Variants in HS6ST3 observed in about 807,000 individuals in gnomAD.
HS6ST3 encodes the protein heparan-sulfate 6-O-sulfotransferase 3.
Under a neutral mutation model 36.7 loss-of-function variants are expected in HS6ST3, and 12 were observed. The ratio of observed to expected loss-of-function variants is 0.33; its 90% CI spans 0.21 to 0.53. The LOEUF (loss-of-function observed/expected upper bound fraction) is 0.53. Among genes scored for constraint, HS6ST3 ranks in the 20% least tolerant of loss-of-function variants. The pLI, the probability that HS6ST3 is intolerant of heterozygous loss-of-function variation, is 0.95. For missense variants in HS6ST3, 584 were observed against 640.9 expected (o/e 0.91, Z 0.96); for synonymous variants, 240 against 257.5 (o/e 0.93, Z 0.65).
chr13:96,416,486 A>G (rs2055533546), intron 1 of HS6ST3, among the ~76,000 whole-genome samples: 1 of 152,146 alleles, frequency 6.6e-6, no homozygotes, highest in Non-Finnish European at 1.5e-5. Context: ...TTTTTCATTT[A>G]ATGGCATTTG....
At chr13:96,629,974 G>C (rs924095469) in intron 1 of HS6ST3, among the ~76,000 whole-genome samples, 12 of 151,396 alleles carry the variant, frequency 7.9e-5, no homozygotes, top group South Asian at 4.2e-4. Flanking sequence ...GATTACTTCA[G>C]GTTCATTAAT....
intron 1 of HS6ST3, among the ~76,000 whole-genome samples, chr13:96,512,452 G>C (rs1036686312): frequency 6.6e-6 from 1 of 152,098 alleles, no homozygotes; most frequent in South Asian, 2.1e-4. Context: ...CTTGATTGTG[G>C]CTGTACTGAA....
At chr13:96,383,337 C>T (rs893965849) in intron 1 of HS6ST3, among the ~76,000 whole-genome samples, 8 of 152,070 alleles carry the variant, frequency 5.3e-5, no homozygotes, top group African/African-American at 1.9e-4. Context: ...TCCTGTAATC[C>T]CAGCTACTTG....
intron 1 of HS6ST3, among the ~76,000 whole-genome samples, chr13:96,627,530 A>G (rs2056517304): frequency 6.6e-6 from 1 of 151,918 alleles, no homozygotes; most frequent in South Asian, 2.1e-4. Flanking sequence ...TTAAGGTAAT[A>G]TTACTCTCAT....
chr13:96,219,613 A>G (rs983348931), intron 1 of HS6ST3, among the ~76,000 whole-genome samples: 1 of 152,068 alleles, frequency 6.6e-6, no homozygotes, highest in African/African-American at 2.4e-5. Context: ...TTCTTTCAAC[A>G]TGGCATGTTG....
chr13:96,528,676 A>G (rs2056124132), intron 1 of HS6ST3, among the ~76,000 whole-genome samples: 1 of 152,188 alleles, frequency 6.6e-6, no homozygotes, highest in Non-Finnish European at 1.5e-5. Flanking sequence ...AAAGCTTCAG[A>G]TTCCACATTG....
At chr13:96,191,052 A>G (rs1274741506) in intron 1 of HS6ST3, among the ~76,000 whole-genome samples, 2 of 152,148 alleles carry the variant, frequency 1.3e-5, no homozygotes, top group African/African-American at 2.4e-5. Flanking sequence ...CCTGGTCATC[A>G]TTCTTGGTTC....
intron 1 of HS6ST3, among the ~76,000 whole-genome samples, chr13:96,138,671 A>G (rs1484366137): frequency 2.0e-5 from 3 of 152,026 alleles, no homozygotes; most frequent in Non-Finnish European, 4.4e-5. Flanking sequence ...GCCAATATGT[A>G]TTAGTTTGCA....
At chr13:96,759,828 T>C (rs936174159) in intron 1 of HS6ST3, among the ~76,000 whole-genome samples, 2 of 152,006 alleles carry the variant, frequency 1.3e-5, no homozygotes, top group Non-Finnish European at 2.9e-5. Context: ...CTACTGAGTG[T>C]TACCAACCAT....
At chr13:96,403,665 G>A (rs1289812351) in intron 1 of HS6ST3, among the ~76,000 whole-genome samples, 1 of 152,104 alleles carries the variant, frequency 6.6e-6, no homozygotes, top group East Asian at 1.9e-4. Context: ...GTTTCCTTAG[G>A]TGGAGGAGAG....
intron 1 of HS6ST3, among the ~76,000 whole-genome samples, chr13:96,262,120 G>A (rs2054669332): frequency 6.6e-6 from 1 of 152,098 alleles, no homozygotes; most frequent in Non-Finnish European, 1.5e-5. Flanking sequence ...TGTCTCAAAA[G>A]TAAGATATCA....
intron 1 of HS6ST3, among the ~76,000 whole-genome samples, chr13:96,719,735 A>G (rs1875797544): frequency 1.3e-5 from 2 of 152,164 alleles, no homozygotes; most frequent in Non-Finnish European, 2.9e-5. Context: ...ATCTAGTTAA[A>G]TAATTTAGCA....
At chr13:96,790,240 T>C (rs1877751154) in intron 1 of HS6ST3, among the ~76,000 whole-genome samples, 1 of 149,718 alleles carries the variant, frequency 6.7e-6, no homozygotes, top group Middle Eastern at 3.2e-3. Context: ...TTCAAACTTT[T>C]TCTCCCAATC....
At chr13:96,281,506 C>G (rs2054775991) in intron 1 of HS6ST3, among the ~76,000 whole-genome samples, 1 of 151,574 alleles carries the variant, frequency 6.6e-6, no homozygotes, top group African/African-American at 2.4e-5. Flanking sequence ...CAGGTAATGC[C>G]TCTCTAGCAC....
chr13:96,332,363 C>G (rs529686992), intron 1 of HS6ST3, among the ~76,000 whole-genome samples: 47 of 152,270 alleles, frequency 3.1e-4, no homozygotes, highest in Middle Eastern at 3.4e-3. Flanking sequence ...AGTTCTAGCT[C>G]TAGTTTTGCT....
intron 1 of HS6ST3, among the ~76,000 whole-genome samples, chr13:96,626,134 G>T (rs2056511561): frequency 2.0e-5 from 3 of 152,010 alleles, no homozygotes. Context: ...GAGCCACATC[G>T]CCCGGCCTGT....
chr13:96,312,652 G>T lies in HS6ST3; in HGVS notation c.707+221083G>T, dbSNP rs188058739. On this transcript the variant is annotated intron_variant, in intron 1 of 1. Transcript: ENST00000376705. ...ATGTTATTAGCTGTATATGCATTTA[G>T]AATAATTATGTTTTCTTGGCTGGAC... is the stretch of plus-strand genomic sequence containing the variant. Among the ~76,000 whole-genome samples the T allele has an allele frequency of 8.4e-4, 128 of 152,064 alleles. 3 individuals are homozygous for T. Among genetic ancestry groups the T allele is most frequent in the Admixed American group, 7.1e-3 (108 of 15,244 alleles).
At chr13:96,685,960 G>C (rs1252419157) in intron 1 of HS6ST3, among the ~76,000 whole-genome samples, 3 of 152,046 alleles carry the variant, frequency 2.0e-5, no homozygotes, top group African/African-American at 7.2e-5. Context: ...CAAAATCACA[G>C]GTATATAGCT....
intron 1 of HS6ST3, among the ~76,000 whole-genome samples, chr13:96,589,614 C>A (rs777671761): frequency 6.6e-6 from 1 of 151,922 alleles, no homozygotes; most frequent in Non-Finnish European, 1.5e-5. Context: ...TTTCTTGCAG[C>A]CTTAGATTAT....
Sources: allele counts gnomAD v4.1 joint callset (sites outside exome capture counted in the v4.1 genomes callset), GRCh38; gene constraint gnomAD v4.1.1; transcripts MANE v1.5; gene names NCBI Gene and HGNC (gene_info 2026-07-23, HGNC 2026-07-21).